Variants in SLC25A15 observed in about 807,000 individuals in gnomAD.
The protein encoded by SLC25A15 is mitochondrial ornithine transporter 1.
Under a neutral mutation model 32.3 loss-of-function variants are expected in SLC25A15, and 24 were observed. The observed-to-expected ratio is 0.74, with a 90% CI of 0.54 to 1.04. The LOEUF is 1.04. Ranked by LOEUF, SLC25A15 falls within the 50% of genes least tolerant of loss-of-function variation. The pLI, the probability that SLC25A15 is intolerant of heterozygous loss-of-function variation, is 0.00. For missense variants in SLC25A15, 317 were observed against 374.5 expected (o/e 0.85, Z 1.27); for synonymous variants, 132 against 142.1 (o/e 0.93, Z 0.51).
intron 3 of SLC25A15, among the ~76,000 whole-genome samples, chr13:40,801,446 G>A (rs1202223073): frequency 1.3e-5 from 2 of 151,984 alleles, no homozygotes; most frequent in Non-Finnish European, 2.9e-5. Context: ...AGAAGAGCAA[G>A]GCAGATGTTA....
At chr13:40,793,073 A>G (rs1881565963) in intron 1 of SLC25A15, 85 bp from the exon 2 acceptor site, 2 of 751,168 alleles carry the variant, frequency 2.7e-6, no homozygotes, top group Non-Finnish European at 4.7e-6. Context: ...GGCTCCCAGA[A>G]GTTTAGGTTC....
rs9315787 is a variant in SLC25A15, at chr13:40,804,785, C to T, written c.315-333C>T. Among the ~76,000 whole-genome samples, 41,458 of 151,188 alleles carry T rather than the reference C, an allele frequency of 0.27. 7,180 individuals carry two copies. The highest frequency in any genetic ancestry group is 0.43 in the Middle Eastern group (127 of 294). On this transcript the variant is annotated intron_variant, in intron 3 of 6. Transcript: ENST00000338625. The stretch of plus-strand genomic sequence containing the variant: ...CAGGATGGTCTCGATCTCCTGACTT[C>T]GTGATCCGCCCGCCTCGGCCTCCCA...
In SLC25A15 at chr13:40,812,185, C is replaced by T. The variant is rs768634322; in HGVS notation, c.*2518C>T. Among the ~76,000 whole-genome samples, 2 of 152,108 alleles carry T rather than the reference C, an allele frequency of 1.3e-5. No homozygotes were observed. Among genetic ancestry groups the T allele is most frequent in the East Asian group, 1.9e-4 (1 of 5,194 alleles). On this transcript the variant is annotated 3_prime_UTR_variant, in exon 7 of 7. Coordinates refer to ENST00000338625, the MANE Select transcript of SLC25A15 (RefSeq NM_014252.4). Reference sequence around the variant, plus strand: ...AGCCCACAGTCCCCTGCTCAGTGTCCGGAAAGAAGTCAGTCATCCCTGTTG... The same window carrying T: ...AGCCCACAGTCCCCTGCTCAGTGTCTGGAAAGAAGTCAGTCATCCCTGTTG...
rs1331945995 is a variant in SLC25A15, at chr13:40,805,181, C to T, written c.378C>T (p.Pro126=). ...ASAFAALVLC[P]TELVKCRLQT... is the part of the protein sequence containing the mutation. ...CCTTTGCTGCACTGGTGCTCTGCCC[C>T]ACGGAGCTCGTGAAGTGCCGGCTGC... Residue 126 remains proline, a synonymous_variant, in exon 4 of 7, where the codon CCC becomes CCT. Transcript: ENST00000338625. The T allele has an allele frequency of 1.3e-5, 21 of 1,614,058 alleles. No individual in the cohort carries two copies. The African/African-American group carries it at 2.7e-4, about 21-fold the overall frequency.
At chr13:40,803,184 T>C (rs916790093) in intron 3 of SLC25A15, among the ~76,000 whole-genome samples, 1 of 151,922 alleles carries the variant, frequency 6.6e-6, no homozygotes, top group African/African-American at 2.4e-5. Context: ...AGAGAAGCCT[T>C]TCTTCTGAAA....
At chr13:40,799,802 G>A (rs1881810884) in intron 3 of SLC25A15, among the ~76,000 whole-genome samples, 1 of 152,224 alleles carries the variant, frequency 6.6e-6, no homozygotes, top group African/African-American at 2.4e-5. Flanking sequence ...TATGATCCAA[G>A]ATTTAGCTTT....
chr13:40,797,552 G>A (rs1323556714), intron 2 of SLC25A15, among the ~76,000 whole-genome samples: 1 of 152,008 alleles, frequency 6.6e-6, no homozygotes, highest in African/African-American at 2.4e-5. Context: ...TCAGAATTGG[G>A]GATAATTTGG....
chr13:40,808,761 G>A (rs545479746), intron 6 of SLC25A15, among the ~76,000 whole-genome samples, 165 bp downstream of exon 6: 13 of 151,672 alleles, frequency 8.6e-5, no homozygotes, highest in South Asian at 4.2e-4. Context: ...GTGAAACCCC[G>A]TCTCTACTAA....
chr13:40,812,120 G>T lies in SLC25A15; in HGVS notation c.*2453G>T, dbSNP rs1396664218. Among the ~76,000 whole-genome samples the T allele has an allele frequency of 6.6e-6, 1 of 152,166 alleles. No homozygotes were observed. The highest frequency in any genetic ancestry group is 1.5e-5 in the Non-Finnish European group (1 of 68,024). On this transcript the variant is annotated 3_prime_UTR_variant, in exon 7 of 7. Coordinates refer to ENST00000338625, the MANE Select transcript of SLC25A15 (RefSeq NM_014252.4). ...AATAGGCCTGGATCGAAGTAAAATAGAAATGGGACTGGCTTTCCACAGGAA... is the reference window on the plus strand; with the variant it reads ...AATAGGCCTGGATCGAAGTAAAATATAAATGGGACTGGCTTTCCACAGGAA...
intron 1 of SLC25A15, among the ~76,000 whole-genome samples, chr13:40,790,351 T>G (rs1353509067): frequency 6.6e-6 from 1 of 152,208 alleles, no homozygotes; most frequent in East Asian, 1.9e-4. Flanking sequence ...TGGTGTAATT[T>G]GAGAGAGGGG....
rs1014853139 is a variant in SLC25A15 at position 40,798,722 on chromosome 13, T to G, written c.56-335T>G. On this transcript the variant is annotated intron_variant, in intron 2 of 6. Transcript: ENST00000338625. ...GGATGAGGAGCTGAGGCTCAGAAGTTACATGGCTTGTCCAGGATCTCACAG... is the reference window on the plus strand; with the variant it reads ...GGATGAGGAGCTGAGGCTCAGAAGTGACATGGCTTGTCCAGGATCTCACAG... 3.1e-6 allele frequency: 3 copies of G among 980,108 alleles called. No homozygotes were observed. In the African/African-American group the frequency reaches 5.3e-5, roughly 17 times the overall value. 60.7% of individuals were successfully genotyped at this position (980,108 alleles called of 1,614,324 possible).
At position 40,798,279 on chromosome 13, in the gene SLC25A15, C is replaced by CA. The variant is rs5803069; in HGVS notation, c.56-762dup. The stretch of plus-strand genomic sequence containing the variant: ...TGGGTGACAGAGCAAGACACCATCT[C>CA]AAAAAAAAAAAAAAAATTATTTTGT... On this transcript the variant is annotated intron_variant, in intron 2 of 6. Transcript: ENST00000338625. 2.8e-3 allele frequency among the ~76,000 whole-genome samples: 349 copies of CA among 123,166 alleles called. 5 individuals carry two copies. Among genetic ancestry groups the CA allele is most frequent in the East Asian group, 5.3e-3 (23 of 4,322 alleles). 80.8% of individuals were successfully genotyped at this position (123,166 alleles called of 152,430 possible). A position where few individuals can be genotyped will look rare whatever the true frequency, so the allele number is the denominator to read the frequency against.
At chr13:40,790,142 T>C (rs1293469628) in intron 1 of SLC25A15, among the ~76,000 whole-genome samples, 1 of 152,172 alleles carries the variant, frequency 6.6e-6, no homozygotes, top group African/African-American at 2.4e-5. Context: ...ACGCTTTACC[T>C]AAAGCCCGGG....
At chr13:40,795,336 TGATA>T in intron 2 of SLC25A15, among the ~76,000 whole-genome samples, 1 of 152,356 alleles carries the variant, frequency 6.6e-6, no homozygotes, top group Non-Finnish European at 1.5e-5. Flanking sequence ...GAACCTATGG[TGATA>T]GAATTTAAAA....
intron 2 of SLC25A15, among the ~76,000 whole-genome samples, chr13:40,794,973 TGAG>T (rs1054855711): frequency 1.3e-5 from 2 of 152,150 alleles, no homozygotes; most frequent in African/African-American, 4.8e-5. Flanking sequence ...CCGAGCCTAA[TGAG>T]GAGCACTGGG....
intron 4 of SLC25A15, among the ~76,000 whole-genome samples, 174 bp from the exon 5 acceptor site, chr13:40,807,120 A>T (rs1337139656): frequency 6.6e-6 from 1 of 152,192 alleles, no homozygotes; most frequent in African/African-American, 2.4e-5. Flanking sequence ...ACTGTAAATA[A>T]ATTTCCTTCC....
intron 6 of SLC25A15, among the ~76,000 whole-genome samples, chr13:40,809,014 T>C (rs1353644519): frequency 5.9e-5 from 9 of 151,936 alleles, no homozygotes; most frequent in Non-Finnish European, 2.9e-5. Flanking sequence ...ACAGAAACTT[T>C]GTGTCCCAAA....
rs536553279 is a variant in SLC25A15 at position 40,811,388 on chromosome 13, C to T, written c.*1721C>T. 1.6e-3 allele frequency among the ~76,000 whole-genome samples: 248 copies of T among 152,136 alleles called. 2 individuals carry two copies. Among genetic ancestry groups the T allele is most frequent in the Non-Finnish European group, 2.9e-3 (200 of 67,998 alleles). ...CCTGTAATCCCAGCTACTCAGGAGG[C>T]TGAGGCAGGAGAATCGCTTGAACCC... On this transcript the variant is annotated 3_prime_UTR_variant, in exon 7 of 7. Transcript: ENST00000338625.
At position 40,811,091 on chromosome 13, in the gene SLC25A15, C is replaced by T. The variant is rs1466986496; in HGVS notation, c.*1424C>T. ...TGACCCATCCTGAAGCCTGTCTTGCCATGCTTTTACAGTGTTGGAGGCTTC... is the reference window on the plus strand; with the variant it reads ...TGACCCATCCTGAAGCCTGTCTTGCTATGCTTTTACAGTGTTGGAGGCTTC... On this transcript the variant is annotated 3_prime_UTR_variant, in exon 7 of 7. Transcript: ENST00000338625. Among the ~76,000 whole-genome samples, 1 of 152,228 alleles carries T rather than the reference C, an allele frequency of 6.6e-6. No individual in the cohort carries two copies. The highest frequency in any genetic ancestry group is 1.5e-5 in the Non-Finnish European group (1 of 68,048).
Sources: allele counts gnomAD v4.1 joint callset (sites outside exome capture counted in the v4.1 genomes callset), GRCh38; gene constraint gnomAD v4.1.1; transcripts MANE v1.5; gene names NCBI Gene and HGNC (gene_info 2026-07-23, HGNC 2026-07-21).